CDKAL1: variants seen among roughly 807,000 people sequenced by gnomAD.
The protein encoded by CDKAL1 is threonylcarbamoyladenosine tRNA methylthiotransferase.
Under a neutral mutation model 68.2 loss-of-function variants are expected in CDKAL1, and 32 were observed. The observed-to-expected ratio is 0.47, with a 90% CI of 0.35 to 0.63. CDKAL1 has a LOEUF of 0.63. CDKAL1 is among the 30% of genes least tolerant of loss of function. CDKAL1 has a pLI of 0.00. For missense variants in CDKAL1, 606 were observed against 696.7 expected (o/e 0.87, Z 1.47); for synonymous variants, 234 against 244.3 (o/e 0.96, Z 0.39).
intron 10 of CDKAL1, among the ~76,000 whole-genome samples, chr6:20,965,445 A>G (rs185111740): frequency 4.8e-5 from 6 of 124,170 alleles, no homozygotes; most frequent in African/African-American, 2.1e-4. Flanking sequence ...GGGGAGGGGG[A>G]ACATTATAAT....
chr6:21,043,822 G>A (rs557352739), intron 11 of CDKAL1, among the ~76,000 whole-genome samples: 5 of 152,312 alleles, frequency 3.3e-5, no homozygotes, highest in Admixed American at 2.0e-4. Context: ...TACAGGAAGC[G>A]TATTGTCACA....
At position 21,059,966 on chromosome 6, in the gene CDKAL1, T is replaced by C. The variant is rs76397812; in HGVS notation, c.1056-5082T>C. Among the ~76,000 whole-genome samples the C allele has an allele frequency of 4.5e-3, 682 of 152,292 alleles. 4 individuals are homozygous for C. Among genetic ancestry groups the C allele is most frequent in the African/African-American group, 0.015 (620 of 41,566 alleles). On this transcript the variant is annotated intron_variant, in intron 11 of 15. Coordinates refer to ENST00000274695, the MANE Select transcript of CDKAL1 (RefSeq NM_017774.3). ...GTTCATTATTCTATTCTGTCTGCCT[T>C]TGTGTACCCATAGCTTAGCTCCTAC...
intron 9 of CDKAL1, among the ~76,000 whole-genome samples, chr6:20,880,909 G>GCTT (rs1423882779): frequency 6.6e-6 from 1 of 152,134 alleles, no homozygotes; most frequent in East Asian, 1.9e-4. Context: ...TTGGGTTTTT[G>GCTT]CTTTGTTTTT....
At chr6:20,850,277 G>A (rs1302516054) in intron 9 of CDKAL1, among the ~76,000 whole-genome samples, 2 of 151,926 alleles carry the variant, frequency 1.3e-5, no homozygotes, top group South Asian at 2.1e-4. Flanking sequence ...CCTTAAAGCG[G>A]CATTTTCTTT....
At chr6:20,875,840 A>G (rs1215883941) in intron 9 of CDKAL1, among the ~76,000 whole-genome samples, 2 of 152,236 alleles carry the variant, frequency 1.3e-5, no homozygotes, top group Admixed American at 1.3e-4. Flanking sequence ...ATTTAGACCC[A>G]GTTTTGTCCT....
At chr6:20,679,909 C>A (rs919144855) in intron 5 of CDKAL1, among the ~76,000 whole-genome samples, 3 of 152,038 alleles carry the variant, frequency 2.0e-5, no homozygotes, top group African/African-American at 7.2e-5. Context: ...TTTTAATATG[C>A]AGATTCAAGT....
intron 9 of CDKAL1, among the ~76,000 whole-genome samples, chr6:20,865,113 T>G (rs1759832275): frequency 6.6e-6 from 1 of 152,200 alleles, no homozygotes; most frequent in Non-Finnish European, 1.5e-5. Context: ...TGCTGGTGCT[T>G]GTTATCTCTG....
intron 7 of CDKAL1, 21 bp downstream of exon 7, chr6:20,758,664 A>G (rs763308704): frequency 1.3e-6 from 2 of 1,582,598 alleles, no homozygotes; most frequent in Admixed American, 1.7e-5. Context: ...AAAGTGAGAT[A>G]AACAGATGTA....
intron 15 of CDKAL1, among the ~76,000 whole-genome samples, chr6:21,214,448 C>A (rs1466075960): frequency 6.6e-6 from 1 of 152,028 alleles, no homozygotes; most frequent in East Asian, 1.9e-4. Flanking sequence ...CCTCTCTCCC[C>A]TCGAGAACAC....
chr6:20,600,906 A>AC (rs1310585988), intron 4 of CDKAL1, among the ~76,000 whole-genome samples: 4 of 151,930 alleles, frequency 2.6e-5, no homozygotes, highest in African/African-American at 9.7e-5. Context: ...CACTCTATGT[A>AC]CAATATTAGA....
chr6:20,603,319 AC>A (rs1766186366), intron 4 of CDKAL1, among the ~76,000 whole-genome samples: 2 of 152,150 alleles, frequency 1.3e-5, no homozygotes, highest in Admixed American at 6.6e-5. Context: ...CTGTTGTCTG[AC>A]CTGTTTAGCC....
At chr6:20,553,141 A>G (rs888752903) in intron 4 of CDKAL1, among the ~76,000 whole-genome samples, 6 of 152,214 alleles carry the variant, frequency 3.9e-5, no homozygotes, top group Admixed American at 2.6e-4. Context: ...CATTTGGGGA[A>G]GAAAGATTAT....
intron 4 of CDKAL1, among the ~76,000 whole-genome samples, chr6:20,594,947 T>C (rs1479070782): frequency 6.6e-6 from 1 of 152,208 alleles, no homozygotes; most frequent in Non-Finnish European, 1.5e-5. Context: ...TTTGGCTGGA[T>C]ATGAAATTCT....
chr6:21,176,560 G>T (rs762144776), intron 13 of CDKAL1, among the ~76,000 whole-genome samples: 1 of 152,168 alleles, frequency 6.6e-6, no homozygotes. Flanking sequence ...GTAGCAAGCC[G>T]CCTGCACATG....
At chr6:20,566,587 G>A (rs574566445) in intron 4 of CDKAL1, among the ~76,000 whole-genome samples, 2 of 152,184 alleles carry the variant, frequency 1.3e-5, no homozygotes, top group East Asian at 3.9e-4. Flanking sequence ...AGAGAGTTGG[G>A]TCATTGGTTT....
At chr6:20,738,830 C>A (rs558577381) in intron 5 of CDKAL1, among the ~76,000 whole-genome samples, 2 of 152,312 alleles carry the variant, frequency 1.3e-5, no homozygotes, top group Non-Finnish European at 2.9e-5. Context: ...AATAATTACA[C>A]AACAGAGTGG....
At chr6:20,660,968 GAAA>G (rs910901911) in intron 5 of CDKAL1, among the ~76,000 whole-genome samples, 2 of 150,146 alleles carry the variant, frequency 1.3e-5, no homozygotes, top group African/African-American at 4.9e-5. Flanking sequence ...CACCAAAATT[GAAA>G]AAAAAATCAA....
intron 6 of CDKAL1, among the ~76,000 whole-genome samples, chr6:20,748,571 A>G (rs1561742538): frequency 1.5e-4 from 4 of 26,006 alleles, no homozygotes; most frequent in African/African-American, 5.8e-4. Context: ...AAAAAAAAAA[A>G]AAAAAAAAAA....
intron 4 of CDKAL1, among the ~76,000 whole-genome samples, chr6:20,643,020 C>A (rs16884038): frequency 6.6e-6 from 1 of 152,172 alleles, no homozygotes; most frequent in South Asian, 2.1e-4. Flanking sequence ...CAAAATAGAT[C>A]TGATATCCCA....
Sources: allele counts gnomAD v4.1 joint callset (sites outside exome capture counted in the v4.1 genomes callset), GRCh38; gene constraint gnomAD v4.1.1; transcripts MANE v1.5; gene names NCBI Gene and HGNC (gene_info 2026-07-23, HGNC 2026-07-21).